CBR4: variants seen among roughly 807,000 people sequenced by gnomAD.
The protein encoded by CBR4 is 3-oxoacyl-[acyl-carrier-protein] reductase.
In CBR4, 22 loss-of-function variants were observed where a neutral mutation model predicts 21.0. The observed-to-expected ratio is 1.05, with a 90% CI of 0.75 to 1.50. The LOEUF is 1.50. Ranked by LOEUF, CBR4 falls within the 40% of genes most tolerant of loss-of-function variation. The pLI is 0.00. For synonymous variants in CBR4, 100 were observed against 104.4 expected, an observed-to-expected ratio of 0.96 and a Z score of 0.26; for missense variants, 302 against 286.3, an observed-to-expected ratio of 1.05 and a Z score of -0.40.
chr4:168,994,951 A>G (rs761594774), intron 4 of CBR4, among the ~76,000 whole-genome samples: 11 of 151,970 alleles, frequency 7.2e-5, no homozygotes, highest in Non-Finnish European at 1.5e-4. Flanking sequence ...ACAGGGTTTC[A>G]CCAGGTTGGT....
chr4:168,998,560 ATTTC>A (rs1273551955), intron 4 of CBR4, among the ~76,000 whole-genome samples: 3 of 152,150 alleles, frequency 2.0e-5, no homozygotes, highest in Non-Finnish European at 4.4e-5. Flanking sequence ...TGGGTTTAGG[ATTTC>A]TTTAAGGATG....
At chr4:168,980,727 C>T (rs1433423637) in intron 2 of CBR4, among the ~76,000 whole-genome samples, 1 of 152,178 alleles carries the variant, frequency 6.6e-6, no homozygotes, top group Non-Finnish European at 1.5e-5. Flanking sequence ...CAGAGCAAGA[C>T]TCTATCTCAA....
intron 2 of CBR4, among the ~76,000 whole-genome samples, chr4:169,007,208 G>A (rs1261182527): frequency 6.6e-6 from 1 of 152,180 alleles, no homozygotes; most frequent in Non-Finnish European, 1.5e-5. Flanking sequence ...ACTAAGCCTT[G>A]TTTAGCAAGA....
intron 2 of CBR4, among the ~76,000 whole-genome samples, chr4:168,970,713 C>T (rs969419084): frequency 6.6e-6 from 1 of 151,540 alleles, no homozygotes; most frequent in Non-Finnish European, 1.5e-5. Context: ...TAAGTGAGAA[C>T]ATATGATGTT....
rs1357570123 is a variant in CBR4, at chr4:168,922,100, TATACACACACAC to T, written n.170-27347_170-27336del. The stretch of plus-strand genomic sequence containing the variant: ...AGTTTTATATTTATATATATATATA[TATACACACACAC>T]ACACACACACACACACACACACACA... On this transcript the variant is annotated intron_variant and non_coding_transcript_variant, in intron 2 of 3. Transcript: ENST00000509108. Among the ~76,000 whole-genome samples the T allele has an allele frequency of 5.9e-3, 571 of 96,622 alleles. 6 individuals carry two copies. Among genetic ancestry groups the T allele is most frequent in the African/African-American group, 0.017 (481 of 28,030 alleles). 63.4% of individuals were successfully genotyped at this position (96,622 alleles called of 152,430 possible).
intron 2 of CBR4, among the ~76,000 whole-genome samples, chr4:168,970,937 T>C (rs1764188983): frequency 2.0e-5 from 3 of 152,164 alleles, no homozygotes; most frequent in Admixed American, 2.0e-4. Context: ...GCTATAAACA[T>C]GCGTGTGCAT....
intron 2 of CBR4, among the ~76,000 whole-genome samples, chr4:168,966,481 C>G (rs1490443408): frequency 1.3e-5 from 2 of 149,984 alleles, no homozygotes; most frequent in Admixed American, 1.3e-4. Context: ...GAGCCGAGAT[C>G]GCACCACTGC....
At chr4:168,954,137 C>T (rs1560960903) in intron 2 of CBR4, among the ~76,000 whole-genome samples, 1 of 151,992 alleles carries the variant, frequency 6.6e-6, no homozygotes, top group Non-Finnish European at 1.5e-5. Context: ...AATGTTATAA[C>T]AATGAAAGCA....
chr4:168,895,286 G>A (rs1754870662), intron 2 of CBR4, among the ~76,000 whole-genome samples: 1 of 152,220 alleles, frequency 6.6e-6, no homozygotes. Flanking sequence ...GGAAGCTGAG[G>A]CAGGAGAATT....
At chr4:168,925,515 C>T (rs1389108503) in intron 2 of CBR4, 4 of 511,386 alleles carry the variant, frequency 7.8e-6, no homozygotes, top group African/African-American at 3.9e-5. Context: ...TCCATTGATC[C>T]TGGAATGCGT....
chr4:168,896,600 G>C (rs749252340), intron 2 of CBR4: 1 of 1,492,350 alleles, frequency 6.7e-7, no homozygotes, highest in East Asian at 2.5e-5. Context: ...TGGTCAAAAG[G>C]TTAAGCTTTT....
intron 2 of CBR4, among the ~76,000 whole-genome samples, chr4:168,935,692 T>C (rs1299724593): frequency 2.0e-5 from 3 of 152,170 alleles, no homozygotes; most frequent in Non-Finnish European, 4.4e-5. Context: ...AAAGCCACTG[T>C]AGCCAGACTG....
At chr4:168,903,922 G>A in intron 2 of CBR4, 1 of 1,611,964 alleles carries the variant, frequency 6.2e-7, no homozygotes, top group South Asian at 1.1e-5. Context: ...GAAGGGTATA[G>A]GTCTGGGCTC....
At chr4:168,986,925 C>T (rs1277835349), downstream of CBR4, among the ~76,000 whole-genome samples, 1 of 152,096 alleles carries the variant, frequency 6.6e-6, no homozygotes, top group African/African-American at 2.4e-5. Flanking sequence ...CGAGGCAACA[C>T]AGCAAAACCC....
At chr4:168,934,282 CAAAAA>C (rs60538970) in intron 2 of CBR4, among the ~76,000 whole-genome samples, 4 of 18,178 alleles carry the variant, frequency 2.2e-4, no homozygotes, top group African/African-American at 5.7e-4. Flanking sequence ...GCAAAAAAAA[CAAAAA>C]AAAAAAAAAA....
intron 2 of CBR4, among the ~76,000 whole-genome samples, chr4:168,953,080 AG>A (rs1763587580): frequency 6.6e-6 from 1 of 152,118 alleles, no homozygotes; most frequent in Non-Finnish European, 1.5e-5. Flanking sequence ...CTCCTTGGGC[AG>A]GTCTTGCTGC....
chr4:168,932,032 T>C (rs574510724), intron 2 of CBR4, among the ~76,000 whole-genome samples: 12 of 151,876 alleles, frequency 7.9e-5, no homozygotes, highest in Admixed American at 3.3e-4. Flanking sequence ...ATATCAAACA[T>C]GAAAAAACAA....
chr4:168,904,195 AAGTCCT>A (rs1270231400), intron 2 of CBR4: 1 of 390,484 alleles, frequency 2.6e-6, no homozygotes, highest in Non-Finnish European at 4.8e-6. Context: ...AGACTGGACA[AAGTCCT>A]ATGGTAAAAA....
At chr4:169,001,903 A>C in intron 4 of CBR4, 168 bp downstream of exon 4, 1 of 518,196 alleles carries the variant, frequency 1.9e-6, no homozygotes. Context: ...TTTATATAGA[A>C]TATGAGGTAC....
Sources: gnomAD v4.1 joint callset for allele counts (sites outside exome capture counted in the v4.1 genomes callset) on GRCh38, gnomAD v4.1.1 for gene constraint, MANE v1.5 for transcripts, NCBI Gene and HGNC (gene_info 2026-07-23, HGNC 2026-07-21) for gene names.